Variants in NREP observed in about 807,000 individuals in gnomAD.
NREP encodes neuronal regeneration related protein, also known as neuronal regeneration-related protein.
In NREP, 5 loss-of-function variants were observed where a neutral mutation model predicts 8.6. The ratio of observed to expected loss-of-function variants is 0.58; its 90% CI spans 0.30 to 1.22. The LOEUF is 1.22. NREP is among the 50% of genes most tolerant of loss of function. The pLI, the probability that NREP is intolerant of heterozygous loss-of-function variation, is 0.07. For missense variants in NREP, 86 were observed against 82.5 expected (o/e 1.04, Z -0.17); for synonymous variants, 27 against 28.0 (o/e 0.96, Z 0.11).
intron 2 of NREP, among the ~76,000 whole-genome samples, chr5:111,805,868 T>C (rs1284837389): frequency 1.3e-5 from 2 of 151,734 alleles, no homozygotes; most frequent in African/African-American, 4.8e-5. Flanking sequence ...CGCATGGCAA[T>C]TATCATTAAT....
intron 2 of NREP, among the ~76,000 whole-genome samples, chr5:111,943,970 G>T (rs1488880194): frequency 1.3e-5 from 2 of 152,010 alleles, no homozygotes; most frequent in African/African-American, 4.8e-5. Flanking sequence ...TCGCTTCAAA[G>T]CTTAGAAATG....
intron 2 of NREP, among the ~76,000 whole-genome samples, chr5:111,753,823 A>G (rs1427497377): frequency 6.6e-6 from 1 of 152,188 alleles, no homozygotes; most frequent in Non-Finnish European, 1.5e-5. Context: ...TCAAGGGAAG[A>G]AAACTAACTT....
At chr5:111,815,132 C>T (rs188843051) in intron 2 of NREP, among the ~76,000 whole-genome samples, 144 of 152,208 alleles carry the variant, frequency 9.5e-4, no homozygotes, top group African/African-American at 3.1e-3. Flanking sequence ...TAACAGAAAC[C>T]GGCTAGACTA....
chr5:111,970,452 G>C (rs528657410), intron 2 of NREP, among the ~76,000 whole-genome samples: 1 of 152,202 alleles, frequency 6.6e-6, no homozygotes, highest in African/African-American at 2.4e-5. Flanking sequence ...AGCTCCTAAG[G>C]ACTTCCAGGC....
At position 111,859,072 on chromosome 5, in the gene NREP, T is replaced by C. The variant is rs1753489033; in HGVS notation, c.135+116202A>G. ...GATCCTGCTGCCCATGTGCCTCTGG[T>C]ATCCTCTACCATCAGCTGACTTACA... On this transcript the variant is annotated intron_variant, in intron 2 of 3. Coordinates refer to the NREP transcript ENST00000395634. 2.0e-5 allele frequency among the ~76,000 whole-genome samples: 3 copies of C among 152,158 alleles called. No homozygotes were observed. The South Asian group carries it at 6.2e-4, about 32-fold the overall frequency.
intron 2 of NREP, among the ~76,000 whole-genome samples, chr5:111,780,523 A>G (rs1419337480): frequency 6.6e-6 from 1 of 152,154 alleles, no homozygotes; most frequent in Non-Finnish European, 1.5e-5. Context: ...TGCAAACATC[A>G]GTCAAGTCAG....
intron 2 of NREP, among the ~76,000 whole-genome samples, chr5:111,926,159 C>A (rs975685925): frequency 6.6e-6 from 1 of 152,068 alleles, no homozygotes; most frequent in Non-Finnish European, 1.5e-5. Flanking sequence ...GAACCTGAAC[C>A]CTACTGGCAC....
chr5:111,759,712 G>A (rs1750916425), upstream of NREP, among the ~76,000 whole-genome samples: 1 of 152,152 alleles, frequency 6.6e-6, no homozygotes, highest in Non-Finnish European at 1.5e-5. Context: ...GGTGAAGGGG[G>A]CTGTGCTAAT....
intron 2 of NREP, among the ~76,000 whole-genome samples, chr5:111,871,592 TAA>T (rs1463055840): frequency 6.6e-6 from 1 of 152,092 alleles, no homozygotes; most frequent in Non-Finnish European, 1.5e-5. Flanking sequence ...TTGACTATTG[TAA>T]GCTTAAAACA....
intron 2 of NREP, among the ~76,000 whole-genome samples, chr5:111,902,853 G>C (rs1754678395): frequency 6.6e-6 from 1 of 151,810 alleles, no homozygotes. Context: ...ACTTGTTTTT[G>C]TTTCCTAATC....
At chr5:111,972,641 T>C (rs567954897) in intron 2 of NREP, among the ~76,000 whole-genome samples, 52 of 152,256 alleles carry the variant, frequency 3.4e-4, no homozygotes, top group African/African-American at 1.2e-3. Context: ...GGGGTCACAG[T>C]CCAGGTCCCA....
At chr5:111,830,467 G>A (rs950163768) in intron 2 of NREP, among the ~76,000 whole-genome samples, 1 of 152,198 alleles carries the variant, frequency 6.6e-6, no homozygotes, top group African/African-American at 2.4e-5. Context: ...AAGAGATAGC[G>A]AAAGCTGAAA....
intron 2 of NREP, among the ~76,000 whole-genome samples, chr5:111,810,558 C>A (rs555551328): frequency 6.6e-6 from 1 of 152,184 alleles, no homozygotes; most frequent in Non-Finnish European, 1.5e-5. Flanking sequence ...AAAAGCTTCA[C>A]ATAGATTCAT....
intron 2 of NREP, among the ~76,000 whole-genome samples, chr5:111,920,519 A>C (rs1490891213): frequency 6.6e-6 from 1 of 152,114 alleles, no homozygotes; most frequent in Non-Finnish European, 1.5e-5. Flanking sequence ...GGACACAGAC[A>C]CTCCAAAGAT....
intron 2 of NREP, among the ~76,000 whole-genome samples, chr5:111,974,965 G>C (rs750791493): frequency 6.6e-6 from 1 of 152,220 alleles, no homozygotes; most frequent in Non-Finnish European, 1.5e-5. Context: ...CAAGAATGGA[G>C]GGAATGCTGA....
At chr5:111,884,459 C>G (rs1447024605) in intron 2 of NREP, among the ~76,000 whole-genome samples, 1 of 152,070 alleles carries the variant, frequency 6.6e-6, no homozygotes, top group Admixed American at 6.5e-5. Context: ...AGGGAATCCT[C>G]CCTAACTCAT....
Position 111,741,281 on chromosome 5 carries a change from G to A in NREP, c.4-5774C>T, listed in dbSNP as rs150394772. Among the ~76,000 whole-genome samples, 19 of 152,268 alleles carry A rather than the reference G, an allele frequency of 1.2e-4. No homozygotes were observed. In the East Asian group the frequency reaches 3.7e-3, roughly 29 times the overall value. On this transcript the variant is annotated intron_variant, in intron 2 of 3. Transcript: ENST00000257435. ...TCTTTCTGCCAATTAAATAGTATGTGTCTGCATGTGTACATGTTTTATTCT... is the reference window on the plus strand; with the variant it reads ...TCTTTCTGCCAATTAAATAGTATGTATCTGCATGTGTACATGTTTTATTCT...
At chr5:111,736,777 C>T (rs1749162570) in intron 2 of NREP, among the ~76,000 whole-genome samples, 1 of 152,056 alleles carries the variant, frequency 6.6e-6, no homozygotes, top group Non-Finnish European at 1.5e-5. Flanking sequence ...GATGATAAGC[C>T]AATAATATTG....
chr5:111,920,554 G>A (rs1755209159), intron 2 of NREP, among the ~76,000 whole-genome samples: 1 of 152,074 alleles, frequency 6.6e-6, no homozygotes, highest in South Asian at 2.1e-4. Flanking sequence ...AGTTTAATAA[G>A]CAAAAGGAAG....
Sources: gnomAD v4.1 joint callset for allele counts (sites outside exome capture counted in the v4.1 genomes callset) on GRCh38, gnomAD v4.1.1 for gene constraint, MANE v1.5 for transcripts, NCBI Gene and HGNC (gene_info 2026-07-23, HGNC 2026-07-21) for gene names.